MGAT4C: variants seen among roughly 807,000 people sequenced by gnomAD.
MGAT4C encodes MGAT4 family member C, also known as alpha-1,3-mannosyl-glycoprotein 4-beta-N-acetylglucosaminyltransferase C.
In MGAT4C, 19 loss-of-function variants were observed where a neutral mutation model predicts 40.1. That is an observed-to-expected ratio of 0.47 (90% confidence interval 0.33 to 0.70). MGAT4C has a LOEUF of 0.70. MGAT4C is among the 30% of genes least tolerant of loss of function. MGAT4C has a pLI of 0.02. For synonymous variants in MGAT4C, 181 were observed against 187.1 expected, an observed-to-expected ratio of 0.97 and a Z score of 0.27; for missense variants, 491 against 563.2, an observed-to-expected ratio of 0.87 and a Z score of 1.30.
In MGAT4C at chr12:85,958,432, C is replaced by T. The variant is rs1882934563; in HGVS notation, c.*20857G>A. The T allele has an allele frequency of 6.6e-6, 1 of 152,078 alleles. No homozygotes were observed. The highest frequency in any genetic ancestry group is 1.5e-5 in the Non-Finnish European group (1 of 68,010). 9.4% of individuals were successfully genotyped at this position (152,078 alleles called of 1,614,324 possible). Reference sequence around the variant, plus strand: ...ATACCTGTATCTCAAATTCATTTAACTTTTCAATGAATCAATCTTCTTATT... The same window carrying T: ...ATACCTGTATCTCAAATTCATTTAATTTTTCAATGAATCAATCTTCTTATT... On this transcript the variant is annotated 3_prime_UTR_variant, in exon 5 of 5. Coordinates refer to ENST00000611864, the MANE Select transcript of MGAT4C (RefSeq NM_001351288.2).
intron 2 of MGAT4C, among the ~76,000 whole-genome samples, chr12:86,672,723 TA>T: frequency 6.6e-6 from 1 of 151,996 alleles, no homozygotes; most frequent in East Asian, 1.9e-4. Context: ...CTCGAGGACA[TA>T]AAAATGGCAA....
At chr12:86,676,860 AAATG>A (rs1964412600) in intron 2 of MGAT4C, among the ~76,000 whole-genome samples, 2 of 152,168 alleles carry the variant, frequency 1.3e-5, no homozygotes, top group Admixed American at 1.3e-4. Context: ...ATGATTCATA[AAATG>A]ATGATAGAAA....
At chr12:86,150,481 T>C (rs1235712218) in intron 1 of MGAT4C, among the ~76,000 whole-genome samples, 1 of 152,230 alleles carries the variant, frequency 6.6e-6, no homozygotes, top group African/African-American at 2.4e-5. Flanking sequence ...ATCACTTGTG[T>C]TAGTTTGCAT....
At chr12:86,603,541 G>T (rs371152999) in intron 2 of MGAT4C, among the ~76,000 whole-genome samples, 96,886 of 110,870 alleles carry the variant, frequency 0.87, 43,096 homozygotes, top group South Asian at 0.96. Flanking sequence ...ATAGTCTATA[G>T]ACTATAGATA....
rs897349810 is a variant in MGAT4C at position 85,963,511 on chromosome 12, C to A, written c.*15778G>T. 8 of 151,988 alleles carry A rather than the reference C, an allele frequency of 5.3e-5. 1 individual carries two copies. The highest frequency in any genetic ancestry group is 6.8e-3 in the Middle Eastern group (2 of 294). 9.4% of individuals were successfully genotyped at this position (151,988 alleles called of 1,614,324 possible). On this transcript the variant is annotated 3_prime_UTR_variant, in exon 5 of 5. Coordinates refer to ENST00000611864, the MANE Select transcript of MGAT4C (RefSeq NM_001351288.2). ...GCTTAAAGATCTGCTAAAGATTATGCTTGGGTTTGCCATGAATCATAAATA... is the reference window on the plus strand; with the variant it reads ...GCTTAAAGATCTGCTAAAGATTATGATTGGGTTTGCCATGAATCATAAATA...
chr12:86,802,156 A>C (rs929796470), intron 1 of MGAT4C, among the ~76,000 whole-genome samples: 5 of 151,968 alleles, frequency 3.3e-5, no homozygotes. Flanking sequence ...CCATATATTT[A>C]GAATTGTTGA....
chr12:86,226,264 G>T (rs891010087), intron 1 of MGAT4C, among the ~76,000 whole-genome samples: 2 of 151,946 alleles, frequency 1.3e-5, no homozygotes, highest in East Asian at 1.9e-4. Flanking sequence ...ATGATTAAAA[G>T]TTACATAGCT....
chr12:86,540,479 G>A (rs984770744), intron 2 of MGAT4C, among the ~76,000 whole-genome samples: 88 of 152,208 alleles, frequency 5.8e-4, no homozygotes, highest in Admixed American at 5.4e-3. Context: ...GGCTCATGCC[G>A]GTAATTCCAG....
At chr12:86,585,243 T>G (rs1960966673) in intron 2 of MGAT4C, among the ~76,000 whole-genome samples, 1 of 151,508 alleles carries the variant, frequency 6.6e-6, no homozygotes, top group African/African-American at 2.4e-5. Context: ...ATTTCAAAAT[T>G]AATTCATTAT....
chr12:86,821,395 T>C (rs1445922114), intron 1 of MGAT4C, among the ~76,000 whole-genome samples: 3 of 150,892 alleles, frequency 2.0e-5, no homozygotes, highest in Non-Finnish European at 3.0e-5. Context: ...TGCATACTTA[T>C]GGAGTATGTG....
At chr12:86,491,911 C>A (rs919003835) in intron 2 of MGAT4C, among the ~76,000 whole-genome samples, 6 of 152,008 alleles carry the variant, frequency 3.9e-5, no homozygotes, top group Non-Finnish European at 5.9e-5. Context: ...TGTCTCAGCC[C>A]AAAATCTCCT....
intron 4 of MGAT4C, among the ~76,000 whole-genome samples, chr12:86,278,038 T>A (rs2136114472): frequency 6.6e-6 from 1 of 152,330 alleles, no homozygotes; most frequent in South Asian, 2.1e-4. Context: ...GAAATATATT[T>A]CCACTTTTGG....
intron 2 of MGAT4C, among the ~76,000 whole-genome samples, chr12:86,650,208 A>T (rs1963657076): frequency 6.6e-6 from 1 of 151,944 alleles, no homozygotes; most frequent in South Asian, 2.1e-4. Context: ...TTATAAGGAA[A>T]ATCTCCACAT....
At chr12:86,649,315 A>G (rs1216817148) in intron 2 of MGAT4C, among the ~76,000 whole-genome samples, 1 of 151,802 alleles carries the variant, frequency 6.6e-6, no homozygotes, top group Non-Finnish European at 1.5e-5. Context: ...TCAGTAGGCT[A>G]TAAGCTCCTT....
intron 1 of MGAT4C, among the ~76,000 whole-genome samples, chr12:86,740,949 A>G (rs564642746): frequency 1.3e-5 from 2 of 151,136 alleles, no homozygotes; most frequent in African/African-American, 4.8e-5. Flanking sequence ...TCCGTCACCC[A>G]GGTAGTGAGC....
intron 3 of MGAT4C, among the ~76,000 whole-genome samples, chr12:86,429,921 T>A: frequency 6.6e-6 from 1 of 152,178 alleles, no homozygotes; most frequent in East Asian, 1.9e-4. Flanking sequence ...GAAAGTTTAA[T>A]CTCTTGATGG....
intron 3 of MGAT4C, among the ~76,000 whole-genome samples, chr12:86,428,715 G>GA (rs1956977735): frequency 6.6e-6 from 1 of 152,012 alleles, no homozygotes; most frequent in South Asian, 2.1e-4. Flanking sequence ...ATGTGTTTAG[G>GA]AATTTATCCA....
chr12:86,688,623 T>A (rs1045403190), intron 2 of MGAT4C, among the ~76,000 whole-genome samples: 2 of 152,178 alleles, frequency 1.3e-5, no homozygotes, highest in Admixed American at 6.5e-5. Context: ...TGGCTGGATA[T>A]GAAATTCTGG....
intron 1 of MGAT4C, among the ~76,000 whole-genome samples, chr12:86,069,283 C>T (rs931082810): frequency 3.3e-5 from 5 of 152,112 alleles, no homozygotes; most frequent in African/African-American, 1.2e-4. Context: ...AGGACAGCCC[C>T]ACCAACAAAT....
Sources: gnomAD v4.1 joint callset for allele counts (sites outside exome capture counted in the v4.1 genomes callset) on GRCh38, gnomAD v4.1.1 for gene constraint, MANE v1.5 for transcripts, NCBI Gene and HGNC (gene_info 2026-07-23, HGNC 2026-07-21) for gene names.